UHRF2: variants seen among roughly 807,000 people sequenced by gnomAD.
UHRF2 encodes ubiquitin like with PHD and ring finger domains 2, also known as E3 ubiquitin-protein ligase UHRF2.
Under a neutral mutation model 96.8 loss-of-function variants are expected in UHRF2, and 23 were observed. That is an observed-to-expected ratio of 0.24 (90% CI 0.17 to 0.34). The LOEUF is 0.34. Among genes scored for constraint, UHRF2 ranks in the 10% least tolerant of loss-of-function variants. UHRF2 has a pLI of 1.00. For synonymous variants in UHRF2, 385 were observed against 332.6 expected, an observed-to-expected ratio of 1.16 and a Z score of -1.72; for missense variants, 685 against 981.5, an observed-to-expected ratio of 0.70 and a Z score of 4.04.
chr9:6,438,116 G>T (rs1820959066), intron 3 of UHRF2, among the ~76,000 whole-genome samples: 1 of 152,208 alleles, frequency 6.6e-6, no homozygotes, highest in African/African-American at 2.4e-5. Flanking sequence ...TAGCTTGAAA[G>T]ACCTGGATTA....
intron 4 of UHRF2, among the ~76,000 whole-genome samples, chr9:6,470,324 G>C (rs1374728307): frequency 6.8e-6 from 1 of 147,464 alleles, no homozygotes; most frequent in Non-Finnish European, 1.5e-5. Flanking sequence ...AGTGAGCTGA[G>C]ATCGTGCCTA....
In UHRF2 at chr9:6,504,622, T is replaced by C. The variant is rs1372659234; in HGVS notation, c.2193T>C (p.Phe731=). Residue 731 remains phenylalanine (F), a synonymous_variant, in exon 15 of 16, where the codon TTT becomes TTC. Transcript: ENST00000276893. ...TTCTGAAAAAATTGGAACAATCTTTTATGTGCGTTTGCTGTCAGGAGCTAG... is the reference window on the plus strand; with the variant it reads ...TTCTGAAAAAATTGGAACAATCTTTCATGTGCGTTTGCTGTCAGGAGCTAG... The part of the protein sequence containing the change: ...PNFLKKLEQS[F]MCVCCQELVY... 1.2e-6 allele frequency: 2 copies of C among 1,613,852 alleles called. No individual in the cohort carries two copies. Among genetic ancestry groups the C allele is most frequent in the South Asian group, 2.2e-5 (2 of 91,016 alleles).
Position 6,433,971 on chromosome 9 carries a change from A to G in UHRF2, c.442A>G (p.Ile148Val), listed in dbSNP as rs780605302. ...VGLGAWFEAH[I>V]HSVTRASDGQ... ...CCTTGGTGCTTGGTTTGAAGCACAC[A>G]TACATAGTGTTACTAGAGCTTCTGA... The change falls in exon 3 of 16, where the codon ATA becomes GTA. Residue 148 changes from isoleucine (I) to valine (V), a missense_variant. By Grantham distance (29) the Ile-to-Val change is conservative. Around this residue, in one of 6 missense-constraint regions of UHRF2, gnomAD observed 391 missense variants for 437.0 expected, o/e 0.89. Transcript: ENST00000276893. 25 of 1,614,006 alleles carry G rather than the reference A, an allele frequency of 1.5e-5. No homozygotes were observed. The highest frequency in any genetic ancestry group is 2.0e-5 in the Non-Finnish European group (24 of 1,180,032).
chr9:6,491,676 T>C (rs1351604533), intron 9 of UHRF2, among the ~76,000 whole-genome samples: 1 of 152,196 alleles, frequency 6.6e-6, no homozygotes, highest in Non-Finnish European at 1.5e-5. Flanking sequence ...CTTAGGCAGT[T>C]GCTTTAGCAG....
At chr9:6,432,291 C>T (rs1027696026) in intron 2 of UHRF2, among the ~76,000 whole-genome samples, 1 of 152,138 alleles carries the variant, frequency 6.6e-6, no homozygotes, top group African/African-American at 2.4e-5. Flanking sequence ...GTCAAATGTA[C>T]CTCTTCTGGT....
chr9:6,470,580 A>G (rs1267478738), intron 4 of UHRF2, among the ~76,000 whole-genome samples: 2 of 152,172 alleles, frequency 1.3e-5, no homozygotes, highest in Non-Finnish European at 2.9e-5. Flanking sequence ...GGGAAAGGGT[A>G]AATGTATGAG....
At chr9:6,437,513 A>T (rs1213090234) in intron 3 of UHRF2, among the ~76,000 whole-genome samples, 1 of 152,208 alleles carries the variant, frequency 6.6e-6, no homozygotes, top group Non-Finnish European at 1.5e-5. Context: ...GATTACAGGT[A>T]TGAGTCACTG....
intron 10 of UHRF2, chr9:6,495,759 T>G (rs1478301624): frequency 2.0e-5 from 3 of 152,164 alleles, no homozygotes; most frequent in Non-Finnish European, 4.4e-5. Flanking sequence ...ATAGCCTAAT[T>G]ATCTGAAGCC....
At chr9:6,431,720 A>G (rs944442008) in intron 2 of UHRF2, among the ~76,000 whole-genome samples, 1 of 152,164 alleles carries the variant, frequency 6.6e-6, no homozygotes, top group Non-Finnish European at 1.5e-5. Context: ...GTGTCTGTTA[A>G]CTTTAGTTTA....
At chr9:6,454,505 C>G (rs528111448) in intron 3 of UHRF2, among the ~76,000 whole-genome samples, 1 of 152,270 alleles carries the variant, frequency 6.6e-6, no homozygotes, top group South Asian at 2.1e-4. Context: ...CTTCTCTTTC[C>G]TATGTCAGAA....
intron 14 of UHRF2, among the ~76,000 whole-genome samples, chr9:6,501,817 C>T (rs1427487293): frequency 6.6e-6 from 1 of 152,198 alleles, no homozygotes; most frequent in African/African-American, 2.4e-5. Context: ...AGTTGTTAAT[C>T]AGCCTAATTA....
chr9:6,466,364 G>A lies in UHRF2; in HGVS notation c.863+5573G>A, dbSNP rs1262438699. Among the ~76,000 whole-genome samples the A allele has an allele frequency of 1.1e-4, 16 of 151,810 alleles. 1 individual carries two copies. Among genetic ancestry groups the A allele is most frequent in the Admixed American group, 7.9e-4 (12 of 15,226 alleles). ...ACCAACCTGGGCAACGTGGTGAAACGCCATCTCTACTAAAAATATAAAAAT... is the reference window on the plus strand; with the variant it reads ...ACCAACCTGGGCAACGTGGTGAAACACCATCTCTACTAAAAATATAAAAAT... On this transcript the variant is annotated intron_variant, in intron 4 of 15. Coordinates refer to ENST00000276893, the MANE Select transcript of UHRF2 (RefSeq NM_152896.3).
intron 1 of UHRF2, among the ~76,000 whole-genome samples, chr9:6,418,218 GT>G (rs998818909): frequency 6.8e-6 from 1 of 146,524 alleles, no homozygotes; most frequent in Non-Finnish European, 1.5e-5. Context: ...GTTTTTTGGG[GT>G]TTTTTTCCCT....
At chr9:6,484,073 C>CTT (rs1002624016) in intron 8 of UHRF2, among the ~76,000 whole-genome samples, 20 of 135,646 alleles carry the variant, frequency 1.5e-4, no homozygotes, top group African/African-American at 4.6e-4. Context: ...TTCTTTCTTT[C>CTT]TTTTTTTTTT....
intron 1 of UHRF2, among the ~76,000 whole-genome samples, chr9:6,418,144 G>GT (rs1217690822): frequency 6.6e-6 from 1 of 151,824 alleles, no homozygotes; most frequent in African/African-American, 2.4e-5. Flanking sequence ...TTTGTTTTGG[G>GT]TTTTTTTGTG....
At chr9:6,456,306 A>T (rs187689704) in intron 3 of UHRF2, among the ~76,000 whole-genome samples, 1 of 151,922 alleles carries the variant, frequency 6.6e-6, no homozygotes, top group Middle Eastern at 3.4e-3. Flanking sequence ...GCTTTTTTTC[A>T]TATGTTTGTT....
intron 3 of UHRF2, chr9:6,449,692 T>G (rs1195208107): frequency 6.6e-6 from 1 of 152,262 alleles, no homozygotes; most frequent in African/African-American, 2.4e-5. Context: ...TAAAAATAGT[T>G]CTCTGTGCCT....
intron 3 of UHRF2, among the ~76,000 whole-genome samples, chr9:6,445,326 T>C (rs1019341313): frequency 2.0e-5 from 3 of 151,954 alleles, no homozygotes; most frequent in Non-Finnish European, 4.4e-5. Flanking sequence ...TGCAGTGGTA[T>C]CATGTTGACC....
chr9:6,442,994 T>C (rs980692246), intron 3 of UHRF2, among the ~76,000 whole-genome samples: 75 of 152,326 alleles, frequency 4.9e-4, no homozygotes, highest in African/African-American at 1.5e-3. Context: ...TTTAACTTAG[T>C]GGTCTAATTT....
Sources: gnomAD v4.1 joint callset for allele counts (sites outside exome capture counted in the v4.1 genomes callset) on GRCh38, gnomAD v4.1.1 for gene constraint, gnomAD v4.1.1 regional missense constraint, MANE v1.5 for transcripts, NCBI Gene and HGNC (gene_info 2026-07-23, HGNC 2026-07-21) for gene names.